The following RPL14 variants were observed in gnomAD, a reference collection of about 807,000 sequenced individuals.
RPL14 encodes the protein large ribosomal subunit protein eL14.
In RPL14, 4 loss-of-function variants were observed where a neutral mutation model predicts 25.3. That is an observed-to-expected ratio of 0.16 (90% confidence interval 0.08 to 0.36). The LOEUF is 0.36. Among genes scored for constraint, RPL14 ranks in the 10% least tolerant of loss-of-function variants. The pLI is 1.00. For synonymous variants in RPL14, 75 were observed against 89.8 expected, an observed-to-expected ratio of 0.84 and a Z score of 0.93; for missense variants, 212 against 261.9, an observed-to-expected ratio of 0.81 and a Z score of 1.31.
Position 40,465,883 on chromosome 3 carries a change from G to A in RPL14, c.*3651G>A, listed in dbSNP as rs1697020672. ...AGGAGTAGAAAATAAAATTAATAAGGTGGGACCATATGATAAGAGATTTGA... is the reference window on the plus strand; with the variant it reads ...AGGAGTAGAAAATAAAATTAATAAGATGGGACCATATGATAAGAGATTTGA... On this transcript the variant is annotated 3_prime_UTR_variant, in exon 6 of 6. Coordinates refer to ENST00000396203, the MANE Select transcript of RPL14 (RefSeq NM_001034996.3). The A allele has an allele frequency of 6.6e-6, 1 of 152,108 alleles. No individual in the cohort carries two copies. The allele number at this position is 152,108 out of a possible 1,614,324, so 9.4% of individuals were successfully genotyped here. A position where few individuals can be genotyped will look rare whatever the true frequency, so the allele number is the denominator to read the frequency against.
intron 2 of RPL14, 40 bp from the exon 3 acceptor site, chr3:40,458,602 G>A (rs748598667): frequency 7.9e-6 from 12 of 1,519,106 alleles, no homozygotes; most frequent in East Asian, 2.3e-5. Flanking sequence ...TTTAATTGCT[G>A]TTAGATTTTG....
chr3:40,458,050 T>C (rs1696871564), intron 2 of RPL14, 59 bp downstream of exon 2: 1 of 1,396,094 alleles, frequency 7.2e-7, no homozygotes. Context: ...CAGATGGCAA[T>C]AATGAATTGT....
At chr3:40,461,837 TG>T (rs1696941705) in intron 5 of RPL14, 101 bp from the exon 6 acceptor site, 7 of 1,351,528 alleles carry the variant, frequency 5.2e-6, no homozygotes, top group Non-Finnish European at 7.1e-6. Flanking sequence ...CAGATGTAGT[TG>T]TAGGGAAACA....
At chr3:40,458,587 AC>A in intron 2 of RPL14, 54 bp from the exon 3 acceptor site, 1 of 1,347,234 alleles carries the variant, frequency 7.4e-7, no homozygotes, top group Non-Finnish European at 1.1e-6. Flanking sequence ...GAACCATCTG[AC>A]CATTTTAATT....
chr3:40,461,187 CCTCT>C (rs1353006769), intron 3 of RPL14, among the ~76,000 whole-genome samples: 2 of 150,796 alleles, frequency 1.3e-5, no homozygotes, highest in African/African-American at 4.9e-5. Flanking sequence ...CAAGCAAGAT[CCTCT>C]CTCAAAAAAA....
chr3:40,459,087 C>G (rs530923876), intron 3 of RPL14: 3 of 269,410 alleles, frequency 1.1e-5, no homozygotes, highest in Admixed American at 5.0e-5. Context: ...CTTGGGGGTG[C>G]TGAGTTGGGA....
In RPL14 at chr3:40,468,344, A is replaced by T. The variant is rs1294627513; in HGVS notation, c.*6112A>T. 1 of 152,222 alleles carries T rather than the reference A, an allele frequency of 6.6e-6. No individual in the cohort carries two copies. Among genetic ancestry groups the T allele is most frequent in the East Asian group, 1.9e-4 (1 of 5,200 alleles). 9.4% of individuals were successfully genotyped at this position (152,222 alleles called of 1,614,324 possible). A position where few individuals can be genotyped will look rare whatever the true frequency, so the allele number is the denominator to read the frequency against. On this transcript the variant is annotated 3_prime_UTR_variant, in exon 6 of 6. Coordinates refer to ENST00000396203, the MANE Select transcript of RPL14 (RefSeq NM_001034996.3). ...ATTTCCATCAGCAGTAAACAAAGAC[A>T]TTCCTGCCTGGCAGTCTTGAACTCC...
chr3:40,458,894 G>T (rs559916471), intron 3 of RPL14, 158 bp downstream of exon 3: 3 of 641,786 alleles, frequency 4.7e-6, no homozygotes, highest in African/African-American at 3.6e-5. Context: ...AAAATGTCTT[G>T]CCTGCGCGTG....
At chr3:40,459,683 G>A (rs1216046348) in intron 3 of RPL14, among the ~76,000 whole-genome samples, 1 of 151,874 alleles carries the variant, frequency 6.6e-6, no homozygotes, top group Non-Finnish European at 1.5e-5. Flanking sequence ...GTGAAACCCC[G>A]TCTCTACTAA....
At chr3:40,458,108 T>C (rs968456997) in intron 2 of RPL14, 117 bp downstream of exon 2, 2 of 841,440 alleles carry the variant, frequency 2.4e-6, no homozygotes, top group Admixed American at 2.1e-5. Context: ...CGCTTTATTT[T>C]ACCATTGAGG....
Position 40,464,569 on chromosome 3 carries a change from A to C in RPL14, c.*2337A>C. 2 of 455,006 alleles carry C rather than the reference A, an allele frequency of 4.4e-6. No individual in the cohort carries two copies. The highest frequency in any genetic ancestry group is 1.6e-5 in the South Asian group (1 of 64,474). The allele number at this position is 455,006 out of a possible 1,614,324, so 28.2% of individuals were successfully genotyped here. ...ATCAAGGAAGTAGGTTAGTGGTTAGATCGTGTAGGGGAACACGGGAAGCTA... is the reference window on the plus strand; with the variant it reads ...ATCAAGGAAGTAGGTTAGTGGTTAGCTCGTGTAGGGGAACACGGGAAGCTA... On this transcript the variant is annotated 3_prime_UTR_variant, in exon 6 of 6. Coordinates refer to ENST00000396203, the MANE Select transcript of RPL14 (RefSeq NM_001034996.3).
chr3:40,463,093 G>C lies in RPL14; in HGVS notation c.*861G>C, dbSNP rs959623324. The C allele has an allele frequency of 4.0e-5, 6 of 151,822 alleles. No homozygotes were observed. In the East Asian group the frequency reaches 1.2e-3, roughly 30 times the overall value. 9.4% of individuals were successfully genotyped at this position (151,822 alleles called of 1,614,324 possible). On this transcript the variant is annotated 3_prime_UTR_variant, in exon 6 of 6. Transcript: ENST00000396203. ...CCACCATGCCCAGCTAATTTTTTTT[G>C]TAGAGACTGGGTTTCACTATGTTGG... is the stretch of plus-strand genomic sequence containing the variant.
In RPL14 at chr3:40,462,853, A is replaced by G. The variant is rs949474805; in HGVS notation, c.*621A>G. 6 of 152,182 alleles carry G rather than the reference A, an allele frequency of 3.9e-5. No homozygotes were observed. Among genetic ancestry groups the G allele is most frequent in the African/African-American group, 7.2e-5 (3 of 41,444 alleles). 9.4% of individuals were successfully genotyped at this position (152,182 alleles called of 1,614,324 possible). On this transcript the variant is annotated 3_prime_UTR_variant, in exon 6 of 6. Coordinates refer to ENST00000396203, the MANE Select transcript of RPL14 (RefSeq NM_001034996.3). ...TTCAGAACATCTTTTTTCCTTGTAC[A>G]AATATGTTTGCCATAAATAGGTAAA...
chr3:40,459,553 G>A (rs1267205977), intron 3 of RPL14, among the ~76,000 whole-genome samples: 3 of 152,126 alleles, frequency 2.0e-5, no homozygotes, highest in South Asian at 2.1e-4. Context: ...TTAAAAAATA[G>A]TCAAAAACTT....
Position 40,468,294 on chromosome 3 carries a change from A to G in RPL14, c.*6062A>G, listed in dbSNP as rs1365091512. On this transcript the variant is annotated 3_prime_UTR_variant, in exon 6 of 6. Coordinates refer to ENST00000396203, the MANE Select transcript of RPL14 (RefSeq NM_001034996.3). ...ATCACTCTTTCAGTAGGCTGTACCA[A>G]TTTAGACTTGCTCTACCAATTTAGA... 4 of 152,230 alleles carry G rather than the reference A, an allele frequency of 2.6e-5. No individual in the cohort carries two copies. The highest frequency in any genetic ancestry group is 7.2e-5 in the African/African-American group (3 of 41,468). 9.4% of individuals were successfully genotyped at this position (152,230 alleles called of 1,614,324 possible). A position where few individuals can be genotyped will look rare whatever the true frequency, so the allele number is the denominator to read the frequency against.
Position 40,467,755 on chromosome 3 carries a change from CCT to C in RPL14, c.*5526_*5527del, listed in dbSNP as rs1247899525. 1 of 151,990 alleles carries C rather than the reference CCT, an allele frequency of 6.6e-6. No homozygotes were observed. Among genetic ancestry groups the C allele is most frequent in the African/African-American group, 2.4e-5 (1 of 41,386 alleles). The allele number at this position is 151,990 out of a possible 1,614,324, so 9.4% of individuals were successfully genotyped here. A position where few individuals can be genotyped will look rare whatever the true frequency, so the allele number is the denominator to read the frequency against. Reference sequence around the variant, plus strand: ...CCACAACATGAATGTTCACGTTTGACCTCTATTGATAGACATTTCGGATGATG... The same window carrying C: ...CCACAACATGAATGTTCACGTTTGACCTATTGATAGACATTTCGGATGATG... On this transcript the variant is annotated 3_prime_UTR_variant, in exon 6 of 6. Transcript: ENST00000396203.
rs753658672 is a variant in RPL14 at position 40,462,082 on chromosome 3, C to G, written c.498C>G (p.Ile166Met). 1.5e-5 allele frequency: 23 copies of G among 1,557,846 alleles called. No individual in the cohort carries two copies. In the South Asian group the frequency reaches 2.3e-4, roughly 16 times the overall value. The part of the protein sequence containing the change: ...AAAAKVPAKK[I>M]TAASKKAPAQ... ...CTGCTAAAGTTCCAGCAAAAAAGATCACCGCCGCGAGTAAAAAGGCTCCAG... is the reference window on the plus strand; with the variant it reads ...CTGCTAAAGTTCCAGCAAAAAAGATGACCGCCGCGAGTAAAAAGGCTCCAG... The change falls in exon 6 of 6, where the codon ATC becomes ATG. Residue 166 changes from isoleucine to methionine, a missense_variant. Physicochemically the swap from Ile to Met is conservative, Grantham distance 10. Coordinates refer to ENST00000396203, the MANE Select transcript of RPL14 (RefSeq NM_001034996.3).
At chr3:40,457,808 A>G (rs912973247) in intron 1 of RPL14, 82 bp from the exon 2 acceptor site, 11 of 1,308,138 alleles carry the variant, frequency 8.4e-6, no homozygotes, top group East Asian at 4.6e-5. Flanking sequence ...GAATTTAACC[A>G]TGTTGTCTTT....
In RPL14 at chr3:40,463,375, T is replaced by G. The variant is rs1039149952; in HGVS notation, c.*1143T>G. On this transcript the variant is annotated 3_prime_UTR_variant, in exon 6 of 6. Coordinates refer to ENST00000396203, the MANE Select transcript of RPL14 (RefSeq NM_001034996.3). The stretch of plus-strand genomic sequence containing the variant: ...TGTGTGCCACCACGTCTGGCTAGTT[T>G]TTGTATTTTTAGTGGAGATGGGGTT... 6.6e-5 allele frequency: 10 copies of G among 152,122 alleles called. No individual in the cohort carries two copies. The highest frequency in any genetic ancestry group is 1.5e-4 in the Non-Finnish European group (10 of 68,076). The allele number at this position is 152,122 out of a possible 1,614,324, so 9.4% of individuals were successfully genotyped here.
Sources: allele counts gnomAD v4.1 joint callset (sites outside exome capture counted in the v4.1 genomes callset), GRCh38; gene constraint gnomAD v4.1.1; transcripts MANE v1.5; gene names NCBI Gene and HGNC (gene_info 2026-07-23, HGNC 2026-07-21).